PIK3R3: variants seen among roughly 807,000 people sequenced by gnomAD.
PIK3R3 encodes the protein phosphatidylinositol 3-kinase regulatory subunit gamma.
Under a neutral mutation model 62.9 loss-of-function variants are expected in PIK3R3, and 64 were observed. The observed-to-expected ratio is 1.02, with a 90% confidence interval of 0.83 to 1.25. PIK3R3 has a LOEUF of 1.25. Among genes scored for constraint, PIK3R3 ranks in the 50% most tolerant of loss-of-function variants. PIK3R3 has a pLI of 0.00. For synonymous variants in PIK3R3, 165 were observed against 189.0 expected, an observed-to-expected ratio of 0.87 and a Z score of 1.04; for missense variants, 614 against 561.6, an observed-to-expected ratio of 1.09 and a Z score of -0.94.
intron 1 of PIK3R3, among the ~76,000 whole-genome samples, chr1:46,122,657 C>T (rs1417247398): frequency 3.3e-5 from 5 of 152,052 alleles, no homozygotes; most frequent in South Asian, 2.1e-4. Context: ...TGTGAGCCAC[C>T]GCGCCCGGCC....
the PIK3R3 span, among the ~76,000 whole-genome samples, chr1:46,169,078 C>A: frequency 6.6e-6 from 1 of 152,226 alleles, no homozygotes; most frequent in South Asian, 2.1e-4. Flanking sequence ...GAATGGAACT[C>A]ACTGCCTCTC....
chr1:46,173,900 G>T, the PIK3R3 span, among the ~76,000 whole-genome samples: 1 of 152,134 alleles, frequency 6.6e-6, no homozygotes, highest in Non-Finnish European at 1.5e-5. Context: ...ATATAGGGGA[G>T]GGAGGCTTCT....
At chr1:46,109,696 C>G (rs1347546834) in intron 1 of PIK3R3, among the ~76,000 whole-genome samples, 1 of 152,116 alleles carries the variant, frequency 6.6e-6, no homozygotes, top group East Asian at 1.9e-4. Context: ...ATTGGCCAGG[C>G]TGGTCTCGAA....
chr1:46,109,186 A>G (rs1379423407), intron 1 of PIK3R3, among the ~76,000 whole-genome samples: 6 of 143,682 alleles, frequency 4.2e-5, no homozygotes, highest in African/African-American at 1.3e-4. Flanking sequence ...AAAAAAAATT[A>G]TGTTTCTCTG....
At chr1:46,157,603 C>A in the PIK3R3 span, among the ~76,000 whole-genome samples, 1 of 152,134 alleles carries the variant, frequency 6.6e-6, no homozygotes, top group East Asian at 1.9e-4. Flanking sequence ...CACTTTAAAC[C>A]TTATATTCCC....
At chr1:46,125,769 T>C (rs1655035200) in intron 1 of PIK3R3, among the ~76,000 whole-genome samples, 1 of 151,946 alleles carries the variant, frequency 6.6e-6, no homozygotes, top group South Asian at 2.1e-4. Flanking sequence ...TTCTTTTTTT[T>C]TTTTTTCTTG....
chr1:46,065,994 A>AAATTTG (rs1273329210), intron 5 of PIK3R3, 60 bp downstream of exon 5: 2 of 1,506,690 alleles, frequency 1.3e-6, no homozygotes, highest in African/African-American at 2.7e-5. Context: ...GAATGATCGA[A>AAATTTG]AATTTGATGT....
the PIK3R3 span, among the ~76,000 whole-genome samples, chr1:46,141,530 C>G: frequency 6.6e-6 from 1 of 152,164 alleles, no homozygotes; most frequent in African/African-American, 2.4e-5. Flanking sequence ...CTCGGCCTCC[C>G]AAAGTGCTGG....
At position 46,041,391 on chromosome 1, in the gene PIK3R3, T is replaced by C. The variant is rs1646994003; in HGVS notation, c.*2282A>G. ...GAATGAAAAAAAAAATGAAGGAATG[T>C]AGGACTGAAAAAAAGCAGCCCTTCT... On this transcript the variant is annotated 3_prime_UTR_variant, in exon 10 of 10. Coordinates refer to ENST00000262741, the MANE Select transcript of PIK3R3 (RefSeq NM_003629.4). 1.2e-5 allele frequency: 2 copies of C among 171,908 alleles called. No homozygotes were observed. The highest frequency in any genetic ancestry group is 1.3e-4 in the Admixed American group (2 of 15,670). 10.6% of individuals were successfully genotyped at this position (171,908 alleles called of 1,614,324 possible).
intron 1 of PIK3R3, among the ~76,000 whole-genome samples, chr1:46,090,336 A>AT (rs1651501293): frequency 6.6e-6 from 1 of 151,028 alleles, no homozygotes. Flanking sequence ...TTATTTATTT[A>AT]TTTATTTATT....
rs774621785 is a variant in PIK3R3, at chr1:46,131,917, G to A, written c.36C>T (p.Asp12=). Residue 12 remains aspartate, a synonymous_variant, in exon 1 of 10, where the codon GAC becomes GAT. Transcript: ENST00000262741. ...YNTVWSMDRD[D]ADWREVMMPY... is the part of the protein sequence containing the mutation. ...GCATCATCACCTCCCTCCAGTCTGC[G>A]TCATCGCGGTCCATACTCCACACCG... The A allele has an allele frequency of 1.2e-6, 2 of 1,613,550 alleles. No individual in the cohort carries two copies. Among genetic ancestry groups the A allele is most frequent in the Admixed American group, 3.3e-5 (2 of 59,966 alleles).
At chr1:46,136,233 T>G (rs1655928050), upstream of PIK3R3, among the ~76,000 whole-genome samples, 1 of 152,104 alleles carries the variant, frequency 6.6e-6, no homozygotes, top group South Asian at 2.1e-4. Flanking sequence ...ATAAACTCAT[T>G]TAACAAATAT....
At chr1:46,123,959 A>G (rs151316746) in intron 1 of PIK3R3, among the ~76,000 whole-genome samples, 153 of 152,332 alleles carry the variant, frequency 1.0e-3, no homozygotes, top group African/African-American at 3.4e-3. Context: ...ACATTTCCAT[A>G]GACTCATGAA....
At chr1:46,066,710 G>C (rs1177761640) in intron 4 of PIK3R3, among the ~76,000 whole-genome samples, 2 of 152,066 alleles carry the variant, frequency 1.3e-5, no homozygotes. Context: ...AGGACCACTT[G>C]AGCCCAGAAG....
At chr1:46,063,225 A>G (rs1484385928) in intron 5 of PIK3R3, among the ~76,000 whole-genome samples, 1 of 152,252 alleles carries the variant, frequency 6.6e-6, no homozygotes, top group Non-Finnish European at 1.5e-5. Context: ...AAGAAAATAC[A>G]GCACTGCACA....
At chr1:46,114,778 T>TTC (rs1294317196) in intron 1 of PIK3R3, among the ~76,000 whole-genome samples, 5 of 147,550 alleles carry the variant, frequency 3.4e-5, no homozygotes, top group Non-Finnish European at 7.5e-5. Flanking sequence ...CTAATTTTTT[T>TTC]TTTTTTTTTT....
chr1:46,171,444 G>A, the PIK3R3 span, among the ~76,000 whole-genome samples: 1 of 152,212 alleles, frequency 6.6e-6, no homozygotes, highest in Non-Finnish European at 1.5e-5. Flanking sequence ...GCCAGTGGAG[G>A]AACCAGGGGA....
intron 8 of PIK3R3, 74 bp from the exon 9 acceptor site, chr1:46,046,162 C>A: frequency 2.3e-6 from 2 of 882,878 alleles, no homozygotes; most frequent in South Asian, 1.7e-5. Context: ...ATAAAACACT[C>A]TTCTAAATCT....
chr1:46,167,119 C>A, the PIK3R3 span, among the ~76,000 whole-genome samples: 2 of 152,278 alleles, frequency 1.3e-5, no homozygotes, highest in Non-Finnish European at 2.9e-5. Flanking sequence ...GGGGAAGGCA[C>A]CCCCAATTCT....
Sources: allele counts gnomAD v4.1 joint callset (sites outside exome capture counted in the v4.1 genomes callset), GRCh38; gene constraint gnomAD v4.1.1; transcripts MANE v1.5; gene names NCBI Gene and HGNC (gene_info 2026-07-23, HGNC 2026-07-21).